PDE11A: variants seen among roughly 807,000 people sequenced by gnomAD.
PDE11A encodes phosphodiesterase 11A, also known as dual 3',5'-cyclic-AMP and -GMP phosphodiesterase 11A.
In PDE11A, 100 loss-of-function variants were observed where a neutral mutation model predicts 100.5. That is an observed-to-expected ratio of 1.00 (90% CI 0.85 to 1.18). The LOEUF (loss-of-function observed/expected upper bound fraction) is 1.18, where lower values mean the gene tolerates loss of function less well. PDE11A is among the 50% of genes most tolerant of loss of function. The pLI is 0.00. For synonymous variants in PDE11A, 381 were observed against 420.8 expected (o/e 0.91, Z 1.16); for missense variants, 1,141 against 1,152.6 (o/e 0.99, Z 0.15).
chr2:177,747,185 A>G (rs1359531369), intron 10 of PDE11A, among the ~76,000 whole-genome samples: 1 of 152,238 alleles, frequency 6.6e-6, no homozygotes, highest in Non-Finnish European at 1.5e-5. Flanking sequence ...GATTCTCACT[A>G]GTAGAGAAGA....
At chr2:177,869,037 C>T (rs2084078483) in intron 5 of PDE11A, among the ~76,000 whole-genome samples, 1 of 152,248 alleles carries the variant, frequency 6.6e-6, no homozygotes, top group African/African-American at 2.4e-5. Flanking sequence ...TCATTCATCT[C>T]TATGTGTGTG....
At position 177,871,493 on chromosome 2, in the gene PDE11A, G is replaced by A. The variant is rs569892691; in HGVS notation, c.1367+4366C>T. On this transcript the variant is annotated intron_variant, in intron 5 of 19. Coordinates refer to ENST00000286063, the MANE Select transcript of PDE11A (RefSeq NM_016953.4). ...GGCCAGAGGGAGAGGATTTATGGGTGGTCACTTGGAAGAAATGATGAGTCA... is the reference window on the plus strand; with the variant it reads ...GGCCAGAGGGAGAGGATTTATGGGTAGTCACTTGGAAGAAATGATGAGTCA... Among the ~76,000 whole-genome samples the A allele has an allele frequency of 5.3e-5, 8 of 151,052 alleles. No individual in the cohort carries two copies. The South Asian group carries it at 1.7e-3, about 32-fold the overall frequency.
intron 1 of PDE11A, chr2:178,104,596 A>G: frequency 1.3e-6 from 1 of 793,058 alleles, no homozygotes; most frequent in Non-Finnish European, 2.0e-6. Flanking sequence ...TTAAACAAAA[A>G]CATATCCTTT....
chr2:177,940,827 A>AG (rs2085337958), intron 2 of PDE11A, among the ~76,000 whole-genome samples: 1 of 152,186 alleles, frequency 6.6e-6, no homozygotes, highest in South Asian at 2.1e-4. Flanking sequence ...TTTACCCTCT[A>AG]TCTTGCAGTC....
intron 13 of PDE11A, 38 bp downstream of exon 13, chr2:177,711,731 G>C (rs1271594026): frequency 2.7e-6 from 3 of 1,110,528 alleles, no homozygotes; most frequent in Non-Finnish European, 4.1e-6. Context: ...GAACAGAAAG[G>C]CAAATGCATT....
Position 177,700,780 on chromosome 2 carries a change from C to T in PDE11A, c.2244+341G>A, listed in dbSNP as rs559289339. ...TACCAAATGGGAATGTTGGGCCGCT[C>T]ATTATTTGGATCAAGTTGTTCCCTT... On this transcript the variant is annotated intron_variant, in intron 14 of 19. Transcript: ENST00000286063. Among the ~76,000 whole-genome samples, 3 of 152,296 alleles carry T rather than the reference C, an allele frequency of 2.0e-5. No homozygotes were observed. The South Asian group carries it at 6.2e-4, about 32-fold the overall frequency.
chr2:177,699,177 C>A (rs933797248), intron 14 of PDE11A, among the ~76,000 whole-genome samples: 1 of 152,148 alleles, frequency 6.6e-6, no homozygotes, highest in African/African-American at 2.4e-5. Context: ...GATGATACAG[C>A]CTACTGCATA....
chr2:177,738,139 A>AC (rs1553543898), intron 10 of PDE11A, among the ~76,000 whole-genome samples: 15 of 151,902 alleles, frequency 9.9e-5, no homozygotes, highest in African/African-American at 3.1e-4. Context: ...CCGGTGCTCC[A>AC]TTTTTTATAC....
At chr2:177,834,129 A>T (rs1574192945) in intron 6 of PDE11A, among the ~76,000 whole-genome samples, 1 of 152,078 alleles carries the variant, frequency 6.6e-6, no homozygotes, top group African/African-American at 2.4e-5. Flanking sequence ...CACCCTCCTC[A>T]CCCTTCAATG....
intron 10 of PDE11A, among the ~76,000 whole-genome samples, chr2:177,736,969 G>A (rs140908436): frequency 0.015 from 2,357 of 152,176 alleles, 59 homozygotes; most frequent in African/African-American, 0.054. Flanking sequence ...GGCTGGGTGC[G>A]GTGGCTCACA....
intron 4 of PDE11A, among the ~76,000 whole-genome samples, chr2:177,897,349 A>G (rs1026892037): frequency 2.6e-5 from 4 of 152,190 alleles, no homozygotes; most frequent in African/African-American, 9.7e-5. Flanking sequence ...GCTGGCCACA[A>G]ATTGCCACGG....
chr2:178,004,980 T>C (rs934173364), intron 2 of PDE11A, among the ~76,000 whole-genome samples: 1 of 152,100 alleles, frequency 6.6e-6, no homozygotes, highest in African/African-American at 2.4e-5. Context: ...AGACAATACT[T>C]TCTTGAACTT....
intron 1 of PDE11A, chr2:178,105,708 C>G: frequency 9.8e-7 from 1 of 1,018,918 alleles, no homozygotes; most frequent in South Asian, 2.2e-5. Context: ...AACCTGATGG[C>G]ATAGGTCTCA....
intron 2 of PDE11A, among the ~76,000 whole-genome samples, chr2:177,981,769 C>T (rs1559031366): frequency 1.3e-5 from 2 of 151,022 alleles, no homozygotes; most frequent in Non-Finnish European, 3.0e-5. Context: ...GCAGGAGATA[C>T]ATTAGTACAT....
chr2:177,821,593 A>G (rs1338915489), intron 6 of PDE11A, among the ~76,000 whole-genome samples: 5 of 151,834 alleles, frequency 3.3e-5, no homozygotes, highest in African/African-American at 1.2e-4. Flanking sequence ...GAAGTGTATG[A>G]GAGTTCCAGT....
At chr2:177,631,480 CAAAAAAAAAAAA>C (rs539411793) in intron 19 of PDE11A, among the ~76,000 whole-genome samples, 202 of 8,114 alleles carry the variant, frequency 0.025, 1 homozygote, top group Middle Eastern at 0.083. Context: ...GACTCTATCT[CAAAAAAAAAAAA>C]AAAAAAAAAA....
intron 1 of PDE11A, among the ~76,000 whole-genome samples, chr2:178,027,792 T>G (rs2086496209): frequency 6.6e-6 from 1 of 152,154 alleles, no homozygotes; most frequent in East Asian, 1.9e-4. Context: ...ATATGTGAAA[T>G]GGATGGATTT....
intron 1 of PDE11A, among the ~76,000 whole-genome samples, chr2:178,064,396 A>T (rs1180171673): frequency 2.0e-5 from 3 of 152,202 alleles, no homozygotes; most frequent in Admixed American, 2.0e-4. Context: ...ACGAATAAAC[A>T]GAATAACTTG....
At position 177,746,675 on chromosome 2, in the gene PDE11A, A is replaced by C. The variant is rs1183956118; in HGVS notation, c.1789-18503T>G. Among the ~76,000 whole-genome samples, 8 of 152,352 alleles carry C rather than the reference A, an allele frequency of 5.3e-5. No homozygotes were observed. The East Asian group carries it at 1.2e-3, about 22-fold the overall frequency. On this transcript the variant is annotated intron_variant, in intron 10 of 19. Coordinates refer to ENST00000286063, the MANE Select transcript of PDE11A (RefSeq NM_016953.4). ...TGGACATATGAGACAAAAGAATTGC[A>C]ATCCTAGATTCCTATGCCCAGCAAA...
Sources: gnomAD v4.1 joint callset for allele counts (sites outside exome capture counted in the v4.1 genomes callset) on GRCh38, gnomAD v4.1.1 for gene constraint, MANE v1.5 for transcripts, NCBI Gene and HGNC (gene_info 2026-07-23, HGNC 2026-07-21) for gene names.